The following DPPA2 variants were observed in gnomAD, a reference collection of about 807,000 sequenced individuals.
The protein encoded by DPPA2 is developmental pluripotency-associated protein 2.
A neutral mutation model predicts 36.2 loss-of-function variants in DPPA2; 26 were observed. The observed-to-expected ratio is 0.72, with a 90% CI of 0.53 to 1.00. The LOEUF is 1.00. Among genes scored for constraint, DPPA2 ranks in the 50% least tolerant of loss-of-function variants. The probability of loss-of-function intolerance (pLI) is 0.00; values close to 1 mark genes in which losing one functional copy is unlikely to be tolerated. For synonymous variants in DPPA2, 113 were observed against 123.2 expected, an observed-to-expected ratio of 0.92 and a Z score of 0.55; for missense variants, 361 against 365.1, an observed-to-expected ratio of 0.99 and a Z score of 0.09.
intron 3 of DPPA2, among the ~76,000 whole-genome samples, chr3:109,310,066 A>G (rs1046720350): frequency 4.6e-5 from 7 of 151,692 alleles, no homozygotes; most frequent in African/African-American, 1.7e-4. Flanking sequence ...CTACTAAAAA[A>G]AAAAATTCAA....
chr3:109,295,690 T>G (rs1707341552), intron 8 of DPPA2, among the ~76,000 whole-genome samples: 2 of 151,812 alleles, frequency 1.3e-5, no homozygotes, highest in South Asian at 4.1e-4. Context: ...ACAAAAAGCA[T>G]GATTTGTAGA....
rs1463324137 is a variant in DPPA2 at position 109,312,104 on chromosome 3, C to A, written c.181+441G>T. ...ATGCCTGTACTTTGGGAGACTGAGG[C>A]GGGCACATCACTTGAGGTCAGGAGT... On this transcript the variant is annotated intron_variant, in intron 3 of 8. Coordinates refer to ENST00000478945, the MANE Select transcript of DPPA2 (RefSeq NM_138815.4). Among the ~76,000 whole-genome samples, 4 of 152,024 alleles carry A rather than the reference C, an allele frequency of 2.6e-5. No homozygotes were observed. In the South Asian group the frequency reaches 8.3e-4, roughly 32 times the overall value.
intron 6 of DPPA2, among the ~76,000 whole-genome samples, chr3:109,306,975 A>AT (rs201116837): frequency 2.7e-5 from 4 of 148,292 alleles, no homozygotes; most frequent in Admixed American, 6.7e-5. Flanking sequence ...CCCGGCCAAG[A>AT]TTTTTTTTTT....
rs1559698692 is a variant in DPPA2 at position 109,309,257 on chromosome 3, C to T, written c.255G>A (p.Leu85=). Residue 85 remains leucine (L), a synonymous_variant, in exon 4 of 9, where the codon TTG becomes TTA. Coordinates refer to ENST00000478945, the MANE Select transcript of DPPA2 (RefSeq NM_138815.4). ...TATTAATGGGAGGCAAAATGGTCGG[C>T]AAGGGAAGGGCTGGTATTTTGCATC... ...KARCKIPALP[L]PTILPPINKV... 13 of 1,614,116 alleles carry T rather than the reference C, an allele frequency of 8.1e-6. No individual in the cohort carries two copies. The highest frequency in any genetic ancestry group is 9.3e-6 in the Non-Finnish European group (11 of 1,180,020).
chr3:109,300,506 T>C (rs1171720654), intron 7 of DPPA2, 71 bp from the exon 8 acceptor site: 12 of 1,433,876 alleles, frequency 8.4e-6, no homozygotes. Context: ...CCAATCCCTT[T>C]AAAATGACCA....
chr3:109,305,630 T>G (rs1309469539), intron 6 of DPPA2, among the ~76,000 whole-genome samples: 1 of 151,980 alleles, frequency 6.6e-6, no homozygotes, highest in Non-Finnish European at 1.5e-5. Context: ...CAAAATTAGC[T>G]GGGTGTGGTG....
intron 8 of DPPA2, among the ~76,000 whole-genome samples, chr3:109,294,778 C>T (rs1251827974): frequency 6.6e-6 from 1 of 152,174 alleles, no homozygotes; most frequent in African/African-American, 2.4e-5. Flanking sequence ...AATCTCAGCA[C>T]TTTGGGAAAC....
intron 8 of DPPA2, among the ~76,000 whole-genome samples, chr3:109,296,213 C>T (rs1187920850): frequency 6.6e-6 from 1 of 152,040 alleles, no homozygotes; most frequent in East Asian, 1.9e-4. Context: ...ACCAAAAATT[C>T]AACACCTAGG....
intron 3 of DPPA2, among the ~76,000 whole-genome samples, chr3:109,312,259 A>G (rs1014810611): frequency 6.6e-6 from 1 of 152,196 alleles, no homozygotes; most frequent in East Asian, 1.9e-4. Context: ...GCTTGAGCTC[A>G]GAAGGCGGAG....
intron 3 of DPPA2, 86 bp from the exon 4 acceptor site, chr3:109,309,416 G>A (rs564773054): frequency 1.6e-5 from 23 of 1,475,906 alleles, no homozygotes; most frequent in Non-Finnish European, 2.0e-5. Flanking sequence ...GGTCGGGCAC[G>A]GTGGCTCACG....
intron 1 of DPPA2, among the ~76,000 whole-genome samples, chr3:109,315,908 T>TA (rs949254383): frequency 6.6e-5 from 10 of 152,108 alleles, no homozygotes; most frequent in Non-Finnish European, 1.5e-4. Flanking sequence ...GAAAAAAATG[T>TA]AGTCTGAAAA....
intron 1 of DPPA2, among the ~76,000 whole-genome samples, chr3:109,314,765 G>GT (rs1274119117): frequency 2.0e-5 from 3 of 152,114 alleles, no homozygotes; most frequent in Admixed American, 1.3e-4. Flanking sequence ...CAGTGACAAT[G>GT]TTTTTTTAAA....
rs190498224 is a variant in DPPA2, at chr3:109,298,437, G to A, written c.*22+1934C>T. Among the ~76,000 whole-genome samples, 950 of 151,620 alleles carry A rather than the reference G, an allele frequency of 6.3e-3. 6 individuals are homozygous for A. Among genetic ancestry groups the A allele is most frequent in the South Asian group, 0.013 (61 of 4,806 alleles). On this transcript the variant is annotated intron_variant, in intron 8 of 8. Transcript: ENST00000478945. ...TCTATAAAAAAATAATAAAATAGCC[G>A]GGCACGGTGGCTCACGCCTGTAATC...
At chr3:109,307,144 T>C (rs113053591) in intron 6 of DPPA2, among the ~76,000 whole-genome samples, 56 of 151,940 alleles carry the variant, frequency 3.7e-4, no homozygotes, top group African/African-American at 1.3e-3. Flanking sequence ...TTTTTTCGTA[T>C]TTTTTGTAGA....
intron 8 of DPPA2, among the ~76,000 whole-genome samples, chr3:109,299,754 T>TTG (rs1167573541): frequency 6.5e-4 from 1 of 1,536 alleles, no homozygotes; most frequent in African/African-American, 7.2e-4. Flanking sequence ...GACTCATTAG[T>TTG]TTTTTTTTTT....
intron 6 of DPPA2, among the ~76,000 whole-genome samples, chr3:109,306,575 G>C (rs1326933414): frequency 6.6e-6 from 1 of 151,994 alleles, no homozygotes; most frequent in East Asian, 1.9e-4. Flanking sequence ...AAGCCAAAAA[G>C]GAAGGTGACT....
chr3:109,307,340 A>G (rs1011703107), intron 6 of DPPA2, among the ~76,000 whole-genome samples: 1 of 151,710 alleles, frequency 6.6e-6, no homozygotes, highest in African/African-American at 2.4e-5. Context: ...AGTGGCTCAC[A>G]CCTGTAATCC....
intron 1 of DPPA2, among the ~76,000 whole-genome samples, 182 bp from the exon 2 acceptor site, chr3:109,314,737 T>C (rs1228750827): frequency 6.6e-6 from 1 of 152,194 alleles, no homozygotes; most frequent in Non-Finnish European, 1.5e-5. Flanking sequence ...ATCAATTTTA[T>C]ACCCTGTCTT....
chr3:109,314,054 G>A (rs1229730568), intron 2 of DPPA2, among the ~76,000 whole-genome samples: 6 of 152,048 alleles, frequency 3.9e-5, no homozygotes, highest in South Asian at 4.2e-4. Flanking sequence ...TTCCTACTCT[G>A]AAAGAAAGTA....
Sources: gnomAD v4.1 joint callset for allele counts (sites outside exome capture counted in the v4.1 genomes callset) on GRCh38, gnomAD v4.1.1 for gene constraint, MANE v1.5 for transcripts, NCBI Gene and HGNC (gene_info 2026-07-23, HGNC 2026-07-21) for gene names.